ETV1: variants seen among roughly 807,000 people sequenced by gnomAD.
The protein encoded by ETV1 is ETS variant transcription factor 1, also known as ETS translocation variant 1.
A neutral mutation model predicts 62.3 loss-of-function variants in ETV1; 27 were observed. That is an observed-to-expected ratio of 0.43 (90% CI 0.32 to 0.60). The LOEUF (loss-of-function observed/expected upper bound fraction) is 0.60, where lower values mean the gene tolerates loss of function less well. ETV1 is among the 20% of genes least tolerant of loss of function. The probability of loss-of-function intolerance (pLI) is 0.06; values close to 1 mark genes in which losing one functional copy is unlikely to be tolerated. For synonymous variants in ETV1, 222 were observed against 199.6 expected, an observed-to-expected ratio of 1.11 and a Z score of -0.94; for missense variants, 605 against 605.8, an observed-to-expected ratio of 1.00 and a Z score of 0.01.
At chr7:13,919,097 T>C (rs1784531511) in intron 9 of ETV1, among the ~76,000 whole-genome samples, 1 of 152,194 alleles carries the variant, frequency 6.6e-6, no homozygotes, top group Admixed American at 6.5e-5. Flanking sequence ...CCTTTATTAT[T>C]GCCTGCACCC....
At position 13,942,854 on chromosome 7, in the gene ETV1, T is replaced by C. The variant is rs144238797; in HGVS notation, c.236-3608A>G. Among the ~76,000 whole-genome samples the C allele has an allele frequency of 1.3e-3, 199 of 152,300 alleles. 1 individual carries two copies. Among genetic ancestry groups the C allele is most frequent in the African/African-American group, 4.5e-3 (186 of 41,564 alleles). On this transcript the variant is annotated intron_variant, in intron 6 of 13. Transcript: ENST00000430479. ...GTAAAGTTTATCATATTTATCAAAA[T>C]GTCAGCCATATTGGAGACTATAATG...
At chr7:13,977,359 A>C in intron 6 of ETV1, 68 bp downstream of exon 6, 1 of 1,122,976 alleles carries the variant, frequency 8.9e-7, no homozygotes, top group Non-Finnish European at 1.3e-6. Context: ...AAACCAACCA[A>C]AGAGAAAGAA....
intron 6 of ETV1, among the ~76,000 whole-genome samples, chr7:13,972,790 G>T (rs1781036200): frequency 6.6e-6 from 1 of 152,046 alleles, no homozygotes; most frequent in African/African-American, 2.4e-5. Flanking sequence ...TTTATTTTCT[G>T]ATAGATACAG....
At chr7:13,910,229 T>TA (rs1783426437) in intron 10 of ETV1, among the ~76,000 whole-genome samples, 1 of 14,534 alleles carries the variant, frequency 6.9e-5, no homozygotes, top group African/African-American at 6.1e-4. Flanking sequence ...AAAGTTTCCC[T>TA]TTTTTTTTTT....
intron 6 of ETV1, among the ~76,000 whole-genome samples, chr7:13,968,078 C>CA (rs1342224947): frequency 1.3e-5 from 2 of 151,896 alleles, no homozygotes; most frequent in African/African-American, 4.8e-5. Context: ...CATTGTATAA[C>CA]AAAATAATTA....
intron 4 of ETV1, 25 bp from the exon 5 acceptor site, chr7:13,986,710 A>T (rs1171928351): frequency 1.3e-6 from 2 of 1,559,566 alleles, no homozygotes; most frequent in East Asian, 2.2e-5. Flanking sequence ...AAAGACATAA[A>T]CATAAGATTT....
At chr7:13,980,515 GAATGA>G (rs1337429207) in intron 5 of ETV1, among the ~76,000 whole-genome samples, 1 of 152,088 alleles carries the variant, frequency 6.6e-6, no homozygotes, top group Non-Finnish European at 1.5e-5. Context: ...CACCTTTGGG[GAATGA>G]AAATGTTTCC....
intron 9 of ETV1, among the ~76,000 whole-genome samples, chr7:13,918,116 C>G (rs1784396281): frequency 6.6e-6 from 1 of 152,050 alleles, no homozygotes; most frequent in South Asian, 2.1e-4. Context: ...TGAAAAAAAA[C>G]ATACCATGAA....
Position 13,899,214 on chromosome 7 carries a change from T to C in ETV1, c.1212+1524A>G, listed in dbSNP as rs76489851. 2.5e-4 allele frequency among the ~76,000 whole-genome samples: 38 copies of C among 152,122 alleles called. No individual in the cohort carries two copies. The East Asian group carries it at 6.8e-3, about 27-fold the overall frequency. The stretch of plus-strand genomic sequence containing the variant: ...GAAGATGGTGGTGAAAAGAAAGGAA[T>C]GGAATGTATTTGAAGGATCTTACTA... On this transcript the variant is annotated intron_variant, in intron 13 of 13. Transcript: ENST00000430479.
chr7:13,980,715 C>T (rs538607256), intron 5 of ETV1, among the ~76,000 whole-genome samples: 34 of 152,110 alleles, frequency 2.2e-4, no homozygotes, highest in African/African-American at 7.9e-4. Context: ...CTCAGGATGT[C>T]GGCTTTAAAA....
chr7:13,941,655 G>C (rs997216804), intron 6 of ETV1, among the ~76,000 whole-genome samples: 1 of 152,064 alleles, frequency 6.6e-6, no homozygotes, highest in Non-Finnish European at 1.5e-5. Flanking sequence ...GAGATCACTT[G>C]AGTCCAAGAG....
intron 6 of ETV1, among the ~76,000 whole-genome samples, chr7:13,949,386 C>G (rs1237866704): frequency 6.6e-6 from 1 of 152,076 alleles, no homozygotes; most frequent in Non-Finnish European, 1.5e-5. Context: ...AATTAGTGCT[C>G]AGTTAAATTC....
intron 3 of ETV1, chr7:13,988,786 A>T: frequency 6.2e-7 from 1 of 1,607,410 alleles, no homozygotes; most frequent in East Asian, 2.2e-5. Context: ...TTTAATCAGA[A>T]AAAGGGGTCT....
Position 13,893,047 on chromosome 7 carries a change from T to C in ETV1, c.*2819A>G, listed in dbSNP as rs997791733. On this transcript the variant is annotated 3_prime_UTR_variant, in exon 14 of 14. Coordinates refer to ENST00000430479, the MANE Select transcript of ETV1 (RefSeq NM_004956.5). ...TCTGCACTGTCAGTCTTGTGGATTT[T>C]TATTCTGAAGCACTTTTCATGGACA... 2 of 232,786 alleles carry C rather than the reference T, an allele frequency of 8.6e-6. No individual in the cohort carries two copies. Among genetic ancestry groups the C allele is most frequent in the Non-Finnish European group, 1.7e-5 (2 of 117,826 alleles). 14.4% of individuals were successfully genotyped at this position (232,786 alleles called of 1,614,324 possible). A position where few individuals can be genotyped will look rare whatever the true frequency, so the allele number is the denominator to read the frequency against.
intron 9 of ETV1, among the ~76,000 whole-genome samples, chr7:13,925,852 G>C (rs544746859): frequency 2.0e-5 from 3 of 151,720 alleles, no homozygotes; most frequent in Non-Finnish European, 2.9e-5. Flanking sequence ...CACCGCGCCT[G>C]GCCCGACTGA....
In ETV1 at chr7:13,895,003, T is replaced by G. The variant is rs1002214093; in HGVS notation, c.*863A>C. On this transcript the variant is annotated 3_prime_UTR_variant, in exon 14 of 14. Transcript: ENST00000430479. ...AAGAAAGTGAAAAGGAGACAGATAT[T>G]TTTTGCTTCATTTTGATTCCAGATT... The G allele has an allele frequency of 1.7e-5, 4 of 233,114 alleles. No individual in the cohort carries two copies. In the South Asian group the frequency reaches 5.4e-4, roughly 32 times the overall value. The allele number at this position is 233,114 out of a possible 1,614,324, so 14.4% of individuals were successfully genotyped here. A position where few individuals can be genotyped will look rare whatever the true frequency, so the allele number is the denominator to read the frequency against.
intron 5 of ETV1, among the ~76,000 whole-genome samples, chr7:13,979,845 T>C (rs920884187): frequency 6.6e-6 from 1 of 152,150 alleles, no homozygotes; most frequent in Non-Finnish European, 1.5e-5. Context: ...TTGTTTGTTT[T>C]TGTAGCATCG....
At chr7:13,928,396 C>G (rs1458903107) in intron 9 of ETV1, among the ~76,000 whole-genome samples, 1 of 151,998 alleles carries the variant, frequency 6.6e-6, no homozygotes, top group African/African-American at 2.4e-5. Flanking sequence ...GCAGGCAGAT[C>G]ACGAGGTCAA....
At chr7:13,967,815 T>A (rs1780458186) in intron 6 of ETV1, among the ~76,000 whole-genome samples, 1 of 152,148 alleles carries the variant, frequency 6.6e-6, no homozygotes, top group Non-Finnish European at 1.5e-5. Flanking sequence ...TCTTATTTCA[T>A]GAAACTTACA....
Sources: allele counts gnomAD v4.1 joint callset (sites outside exome capture counted in the v4.1 genomes callset), GRCh38; gene constraint gnomAD v4.1.1; transcripts MANE v1.5; gene names NCBI Gene and HGNC (gene_info 2026-07-23, HGNC 2026-07-21).